SLC28A3: variants seen among roughly 807,000 people sequenced by gnomAD.
SLC28A3 encodes the protein solute carrier family 28 member 3.
In SLC28A3, 68 loss-of-function variants were observed where a neutral mutation model predicts 84.2. The ratio of observed to expected loss-of-function variants is 0.81; its 90% CI spans 0.66 to 0.99. SLC28A3 has a LOEUF of 0.99. Ranked by LOEUF, SLC28A3 falls within the 50% of genes least tolerant of loss-of-function variation. The pLI, the probability that SLC28A3 is intolerant of heterozygous loss-of-function variation, is 0.00. For synonymous variants in SLC28A3, 267 were observed against 303.6 expected (o/e 0.88, Z 1.25); for missense variants, 712 against 841.5 (o/e 0.85, Z 1.90).
At chr9:84,333,899 C>T (rs1020683646) in intron 1 of SLC28A3, among the ~76,000 whole-genome samples, 5 of 152,312 alleles carry the variant, frequency 3.3e-5, no homozygotes, top group East Asian at 1.9e-4. Flanking sequence ...AACTTAATAA[C>T]GCAAATGTCC....
At chr9:84,307,437 A>AAAAAAAAAC (rs1554726620) in intron 3 of SLC28A3, among the ~76,000 whole-genome samples, 7,149 of 110,934 alleles carry the variant, frequency 0.064, 704 homozygotes, top group African/African-American at 0.22. Context: ...TCTCAAAAAA[A>AAAAAAAAAC]AAAAAAAACA....
chr9:84,278,455 C>T (rs1019649186), intron 17 of SLC28A3, 111 bp from the exon 18 acceptor site: 11 of 1,413,674 alleles, frequency 7.8e-6, no homozygotes, highest in Non-Finnish European at 1.1e-5. Context: ...TTTTCTTGCT[C>T]ACATTCTGGT....
chr9:84,333,454 T>G (rs1826861303), intron 1 of SLC28A3, among the ~76,000 whole-genome samples: 1 of 152,182 alleles, frequency 6.6e-6, no homozygotes, highest in African/African-American at 2.4e-5. Context: ...AAATTTAATT[T>G]CCTTTCATAG....
intron 1 of SLC28A3, among the ~76,000 whole-genome samples, chr9:84,329,375 T>C (rs1303893726): frequency 1.3e-5 from 2 of 152,154 alleles, no homozygotes; most frequent in African/African-American, 4.8e-5. Flanking sequence ...CTAGACCTTA[T>C]AGACATATAC....
intron 14 of SLC28A3, among the ~76,000 whole-genome samples, chr9:84,285,144 C>T (rs970044983): frequency 3.9e-5 from 6 of 152,180 alleles, no homozygotes; most frequent in African/African-American, 7.2e-5. Context: ...TACACACACA[C>T]GCACACTCTA....
In SLC28A3 at chr9:84,277,966, A is replaced by T. The variant is rs1588550731; in HGVS notation, c.*252T>A. ...ATTAAAGTCAGAAAATCCCATTGAG[A>T]CTGGAATCAACAACACCTCACTTTG... is the stretch of plus-strand genomic sequence containing the variant. On this transcript the variant is annotated 3_prime_UTR_variant, in exon 18 of 18. Transcript: ENST00000376238. The T allele has an allele frequency of 4.4e-6, 2 of 455,600 alleles. No individual in the cohort carries two copies. Among genetic ancestry groups the T allele is most frequent in the Non-Finnish European group, 7.8e-6 (2 of 255,816 alleles). The allele number at this position is 455,600 out of a possible 1,614,324, so 28.2% of individuals were successfully genotyped here.
the SLC28A3 span, among the ~76,000 whole-genome samples, chr9:84,355,187 G>A: frequency 3.3e-5 from 5 of 152,098 alleles, no homozygotes; most frequent in Admixed American, 2.0e-4. Flanking sequence ...ACAGTAAAAC[G>A]CATAATAAAG....
At chr9:84,340,862 C>T (rs896830949), upstream of SLC28A3, among the ~76,000 whole-genome samples, 7 of 152,156 alleles carry the variant, frequency 4.6e-5, no homozygotes, top group Middle Eastern at 3.4e-3. Flanking sequence ...AGTGCTGGCC[C>T]GCCCACCTTA....
At chr9:84,367,544 A>C in the SLC28A3 span, among the ~76,000 whole-genome samples, 2 of 152,144 alleles carry the variant, frequency 1.3e-5, no homozygotes, top group African/African-American at 4.8e-5. Context: ...ATAGAGAAAG[A>C]ACAGTGGGCC....
intron 1 of SLC28A3, among the ~76,000 whole-genome samples, chr9:84,328,194 T>C (rs557988095): frequency 0.031 from 2,245 of 73,104 alleles, 43 homozygotes; most frequent in African/African-American, 0.1. Flanking sequence ...CACACACACA[T>C]ATTCACACAA....
intron 1 of SLC28A3, among the ~76,000 whole-genome samples, chr9:84,329,083 C>A (rs1826679715): frequency 6.6e-6 from 1 of 152,018 alleles, no homozygotes; most frequent in African/African-American, 2.4e-5. Flanking sequence ...GCTTGAGTGG[C>A]AATAATATCA....
intron 1 of SLC28A3, among the ~76,000 whole-genome samples, chr9:84,313,939 A>G (rs1463573549): frequency 6.6e-6 from 1 of 151,966 alleles, no homozygotes; most frequent in Non-Finnish European, 1.5e-5. Context: ...TTTTGTTCTG[A>G]TACAAAAGTG....
intron 17 of SLC28A3, 149 bp downstream of exon 17, chr9:84,279,116 T>C: frequency 1.7e-6 from 1 of 588,478 alleles, no homozygotes; most frequent in Non-Finnish European, 2.6e-6. Context: ...AGTCGATGAG[T>C]GAGCGGAGAT....
intron 7 of SLC28A3, 117 bp from the exon 8 acceptor site, chr9:84,297,415 G>T (rs1252746497): frequency 1.4e-6 from 1 of 734,140 alleles, no homozygotes; most frequent in Non-Finnish European, 2.2e-6. Flanking sequence ...GATAGACTTG[G>T]AAAGTTAATG....
intron 1 of SLC28A3, among the ~76,000 whole-genome samples, chr9:84,324,218 A>T (rs144936484): frequency 7.2e-5 from 11 of 152,272 alleles, no homozygotes; most frequent in African/African-American, 2.2e-4. Context: ...TTGATTAAGC[A>T]ATTTTTCTTT....
the SLC28A3 span, among the ~76,000 whole-genome samples, chr9:84,359,615 A>C: frequency 7.9e-5 from 12 of 152,234 alleles, no homozygotes; most frequent in Non-Finnish European, 1.6e-4. Flanking sequence ...AGTTTAAAAA[A>C]GGATTACCAA....
At chr9:84,324,721 G>C (rs1023619574) in intron 1 of SLC28A3, among the ~76,000 whole-genome samples, 4 of 152,154 alleles carry the variant, frequency 2.6e-5, no homozygotes, top group Non-Finnish European at 5.9e-5. Flanking sequence ...AAACTGACAG[G>C]GGAATAGCAC....
chr9:84,363,036 G>C, the SLC28A3 span, among the ~76,000 whole-genome samples: 1 of 152,198 alleles, frequency 6.6e-6, no homozygotes, highest in African/African-American at 2.4e-5. Flanking sequence ...CTCCAGATAT[G>C]ACAGTACCAT....
rs574673580 is a variant in SLC28A3 at position 84,328,333 on chromosome 9, GA to G, written c.60+12240del. 2.8e-3 allele frequency among the ~76,000 whole-genome samples: 394 copies of G among 140,560 alleles called. 2 individuals carry two copies. The highest frequency in any genetic ancestry group is 6.2e-3 in the African/African-American group (240 of 38,666). 92.2% of individuals were successfully genotyped at this position (140,560 alleles called of 152,430 possible). A position where few individuals can be genotyped will look rare whatever the true frequency, so the allele number is the denominator to read the frequency against. ...ATGATCTGAAAATAAAATTAAAAAG[GA>G]AAAAAAAAAAAACATGATCTGGCCA... On this transcript the variant is annotated intron_variant, in intron 1 of 17. Transcript: ENST00000376238.
Sources: allele counts gnomAD v4.1 joint callset (sites outside exome capture counted in the v4.1 genomes callset), GRCh38; gene constraint gnomAD v4.1.1; transcripts MANE v1.5; gene names NCBI Gene and HGNC (gene_info 2026-07-23, HGNC 2026-07-21).